BMP2K: variants seen among roughly 807,000 people sequenced by gnomAD.
BMP2K encodes BMP-2-inducible protein kinase.
In BMP2K, 74 loss-of-function variants were observed where a neutral mutation model predicts 116.0. The observed-to-expected ratio is 0.64, with a 90% CI of 0.53 to 0.77. BMP2K has a LOEUF of 0.77. BMP2K is among the 30% of genes least tolerant of loss of function. The pLI, the probability that BMP2K is intolerant of heterozygous loss-of-function variation, is 0.00. For synonymous variants in BMP2K, 486 were observed against 502.5 expected (o/e 0.97, Z 0.44); for missense variants, 1,365 against 1,403.6 (o/e 0.97, Z 0.44).
chr4:78,871,181 C>A (rs564400909), intron 11 of BMP2K, 121 bp downstream of exon 11: 108 of 1,477,638 alleles, frequency 7.3e-5, no homozygotes, highest in Non-Finnish European at 9.1e-5. Context: ...AAACACTTTC[C>A]CCAATTTTCT....
chr4:78,869,912 C>T (rs936322224), intron 10 of BMP2K, among the ~76,000 whole-genome samples: 3 of 152,038 alleles, frequency 2.0e-5, no homozygotes, highest in Non-Finnish European at 2.9e-5. Flanking sequence ...GGTCTGAGGA[C>T]GTTTGAGGAT....
intron 15 of BMP2K, among the ~76,000 whole-genome samples, chr4:78,909,548 T>C (rs1734473136): frequency 6.6e-6 from 1 of 152,182 alleles, no homozygotes; most frequent in Non-Finnish European, 1.5e-5. Context: ...TTGCTCACTA[T>C]ATTCCAGCCA....
chr4:78,899,785 C>T (rs938909754), intron 15 of BMP2K, among the ~76,000 whole-genome samples: 21 of 151,628 alleles, frequency 1.4e-4, no homozygotes, highest in Admixed American at 2.6e-4. Flanking sequence ...AAAAATAATG[C>T]GGTTGGAATC....
At chr4:78,791,426 T>C (rs577959173) in intron 1 of BMP2K, among the ~76,000 whole-genome samples, 1 of 152,310 alleles carries the variant, frequency 6.6e-6, no homozygotes, top group Non-Finnish European at 1.5e-5. Flanking sequence ...TTGAGTACAT[T>C]TCTTTTCTTT....
chr4:78,832,169 C>T (rs1730240165), intron 2 of BMP2K, among the ~76,000 whole-genome samples: 1 of 152,026 alleles, frequency 6.6e-6, no homozygotes, highest in Non-Finnish European at 1.5e-5. Context: ...TATGTGCATG[C>T]ATCTATTTGC....
At chr4:78,892,025 T>C (rs1733466222) in intron 15 of BMP2K, among the ~76,000 whole-genome samples, 1 of 152,172 alleles carries the variant, frequency 6.6e-6, no homozygotes. Flanking sequence ...TAAAAGGATG[T>C]TTTATTCATG....
chr4:78,906,102 A>G (rs1012779609), intron 15 of BMP2K: 2 of 152,114 alleles, frequency 1.3e-5, no homozygotes, highest in African/African-American at 2.4e-5. Context: ...TACTGCAGAA[A>G]CTTACCTTGG....
intron 10 of BMP2K, 73 bp from the exon 11 acceptor site, chr4:78,870,710 T>C: frequency 6.6e-7 from 1 of 1,519,374 alleles, no homozygotes; most frequent in Non-Finnish European, 8.8e-7. Flanking sequence ...ATTATTGAAA[T>C]GAGCATGTTG....
chr4:78,848,212 A>C (rs912026210), intron 6 of BMP2K, among the ~76,000 whole-genome samples: 1 of 151,552 alleles, frequency 6.6e-6, no homozygotes, highest in African/African-American at 2.4e-5. Flanking sequence ...TACATTCACC[A>C]AACAGTAATT....
intron 1 of BMP2K, among the ~76,000 whole-genome samples, chr4:78,777,130 G>C (rs1727288027): frequency 6.6e-6 from 1 of 152,006 alleles, no homozygotes; most frequent in South Asian, 2.1e-4. Context: ...CTCCACCCGC[G>C]CTGCAGGGCA....
At chr4:78,856,172 G>C (rs979497591) in intron 7 of BMP2K, among the ~76,000 whole-genome samples, 1 of 152,028 alleles carries the variant, frequency 6.6e-6, no homozygotes, top group Non-Finnish European at 1.5e-5. Context: ...AAAAATTGAA[G>C]GGTCAAATTC....
intron 15 of BMP2K, among the ~76,000 whole-genome samples, chr4:78,894,538 GAGAGTT>G (rs1733602869): frequency 6.6e-6 from 1 of 152,218 alleles, no homozygotes; most frequent in African/African-American, 2.4e-5. Context: ...TAGGATTGAA[GAGAGTT>G]AGAGCCTTGC....
At chr4:78,786,799 T>G (rs990976257) in intron 1 of BMP2K, among the ~76,000 whole-genome samples, 1 of 152,244 alleles carries the variant, frequency 6.6e-6, no homozygotes, top group Non-Finnish European at 1.5e-5. Context: ...CAACTGTTAC[T>G]CATATAGCAC....
rs76444722 is a variant in BMP2K, at chr4:78,875,926, T to A, written c.1794-2808T>A. 5.0e-4 allele frequency among the ~76,000 whole-genome samples: 76 copies of A among 152,334 alleles called. 1 individual carries two copies. The East Asian group carries it at 0.013, about 27-fold the overall frequency. ...ATCTGAAATGTCTTTTTAGACCTAG[T>A]CTCAGCAGTCATGGGCTGCTGCTTG... On this transcript the variant is annotated intron_variant, in intron 13 of 15. Transcript: ENST00000502613.
intron 3 of BMP2K, among the ~76,000 whole-genome samples, chr4:78,839,490 C>G (rs1447306776): frequency 6.6e-6 from 1 of 152,056 alleles, no homozygotes; most frequent in Non-Finnish European, 1.5e-5. Flanking sequence ...AGTTACATGA[C>G]AAAGTGCATG....
intron 3 of BMP2K, among the ~76,000 whole-genome samples, chr4:78,836,147 G>A (rs969285450): frequency 3.3e-5 from 5 of 152,002 alleles, no homozygotes; most frequent in Non-Finnish European, 5.9e-5. Context: ...GCTGGGCGCC[G>A]TGGCTCACAC....
intron 1 of BMP2K, among the ~76,000 whole-genome samples, chr4:78,796,478 T>A (rs1728283970): frequency 6.6e-6 from 1 of 151,838 alleles, no homozygotes; most frequent in South Asian, 2.1e-4. Flanking sequence ...ATGGCACATG[T>A]ATACATATGT....
intron 1 of BMP2K, among the ~76,000 whole-genome samples, chr4:78,797,877 T>C (rs763886078): frequency 1.3e-5 from 2 of 152,116 alleles, no homozygotes; most frequent in Non-Finnish European, 2.9e-5. Context: ...CTGGAGTGCA[T>C]TGGCATGATC....
At chr4:78,788,863 T>C (rs973880735) in intron 1 of BMP2K, among the ~76,000 whole-genome samples, 1 of 151,378 alleles carries the variant, frequency 6.6e-6, no homozygotes, top group African/African-American at 2.4e-5. Flanking sequence ...AGATTCAAGG[T>C]TCAGATTTGT....
Sources: allele counts gnomAD v4.1 joint callset (sites outside exome capture counted in the v4.1 genomes callset), GRCh38; gene constraint gnomAD v4.1.1; transcripts MANE v1.5; gene names NCBI Gene and HGNC (gene_info 2026-07-23, HGNC 2026-07-21).